Variants in NEDD4L observed in about 807,000 individuals in gnomAD.
NEDD4L encodes the protein NEDD4 like E3 ubiquitin protein ligase, also known as E3 ubiquitin-protein ligase NEDD4-like.
Under a neutral mutation model 148.9 loss-of-function variants are expected in NEDD4L, and 54 were observed. The observed-to-expected ratio is 0.36, with a 90% confidence interval of 0.29 to 0.45. The LOEUF is 0.45. NEDD4L is among the 20% of genes least tolerant of loss of function. The pLI is 1.00. For synonymous variants in NEDD4L, 433 were observed against 440.7 expected (o/e 0.98, Z 0.22); for missense variants, 856 against 1,233.8 (o/e 0.69, Z 4.59).
At chr18:58,099,748 G>A (rs539859347) in intron 1 of NEDD4L, among the ~76,000 whole-genome samples, 1 of 152,310 alleles carries the variant, frequency 6.6e-6, no homozygotes, top group South Asian at 2.1e-4. Flanking sequence ...ACTCTAAGGG[G>A]TGTAAGACGG....
chr18:58,220,142 C>T (rs1316114376), intron 2 of NEDD4L, among the ~76,000 whole-genome samples: 11 of 152,164 alleles, frequency 7.2e-5, no homozygotes, highest in South Asian at 2.1e-4. Flanking sequence ...GGGCTGGGCA[C>T]GATGGCTCAT....
At chr18:58,147,248 C>T (rs1208354900) in intron 1 of NEDD4L, among the ~76,000 whole-genome samples, 1 of 152,196 alleles carries the variant, frequency 6.6e-6, no homozygotes, top group African/African-American at 2.4e-5. Flanking sequence ...GCAGGCGGCA[C>T]TGGTAACTAT....
chr18:58,262,035 A>G lies in NEDD4L; in HGVS notation c.297+9981A>G, dbSNP rs114504861. Among the ~76,000 whole-genome samples, 709 of 152,288 alleles carry G rather than the reference A, an allele frequency of 4.7e-3. 5 individuals carry two copies. Among genetic ancestry groups the G allele is most frequent in the African/African-American group, 0.016 (680 of 41,552 alleles). ...TGGCTGGTGATTATTCGGACAGGTT[A>G]TCATCCTGTCTGCAACCTTCTAGTT... On this transcript the variant is annotated intron_variant, in intron 5 of 30. Coordinates refer to ENST00000400345, the MANE Select transcript of NEDD4L (RefSeq NM_001144967.3).
chr18:58,193,141 C>A (rs1568361337), intron 2 of NEDD4L, among the ~76,000 whole-genome samples: 2 of 152,144 alleles, frequency 1.3e-5, no homozygotes, highest in Admixed American at 1.3e-4. Flanking sequence ...GGAGCTATTT[C>A]TTTGGAATAC....
chr18:58,386,318 TG>T (rs1325535159), intron 26 of NEDD4L, among the ~76,000 whole-genome samples: 1 of 152,206 alleles, frequency 6.6e-6, no homozygotes, highest in Non-Finnish European at 1.5e-5. Context: ...CCCAAAGTGC[TG>T]GGATTACAGG....
At chr18:58,306,953 T>C (rs2057138343) in intron 5 of NEDD4L, among the ~76,000 whole-genome samples, 1 of 152,222 alleles carries the variant, frequency 6.6e-6, no homozygotes, top group African/African-American at 2.4e-5. Context: ...AACCTCCTTA[T>C]AGCAGTGTTT....
At chr18:58,315,697 C>T (rs2058180974) in intron 5 of NEDD4L, among the ~76,000 whole-genome samples, 1 of 152,154 alleles carries the variant, frequency 6.6e-6, no homozygotes, top group South Asian at 2.1e-4. Flanking sequence ...TCAAACCCTG[C>T]CTGTCTCTTC....
At chr18:58,047,455 A>G (rs1307146344) in intron 1 of NEDD4L, 3 of 985,344 alleles carry the variant, frequency 3.0e-6, no homozygotes, top group African/African-American at 1.7e-5. Flanking sequence ...GCCAAAGCAC[A>G]GGGCTTAGGT....
At chr18:58,116,902 T>C (rs2085879580) in intron 1 of NEDD4L, among the ~76,000 whole-genome samples, 1 of 152,260 alleles carries the variant, frequency 6.6e-6, no homozygotes, top group Non-Finnish European at 1.5e-5. Context: ...GCCAGTTCTT[T>C]ACCCAAACTC....
intron 1 of NEDD4L, among the ~76,000 whole-genome samples, chr18:58,143,648 C>G (rs551495831): frequency 6.6e-6 from 1 of 152,186 alleles, no homozygotes; most frequent in South Asian, 2.1e-4. Context: ...GTGCCCGTCC[C>G]GTGTTCTTCG....
chr18:58,335,230 G>C (rs2041567812), intron 12 of NEDD4L, among the ~76,000 whole-genome samples: 1 of 152,186 alleles, frequency 6.6e-6, no homozygotes, highest in African/African-American at 2.4e-5. Flanking sequence ...CTCTAAGGCA[G>C]CTCACTCTTT....
rs113997023 is a variant in NEDD4L at position 58,385,462 on chromosome 18, G to A, written c.2427-64G>A. 1.7e-3 allele frequency: 2,253 copies of A among 1,312,894 alleles called. 21 individuals carry two copies. In the African/African-American group the frequency reaches 0.027, roughly 16 times the overall value. The allele number at this position is 1,312,894 out of a possible 1,614,324, so 81.3% of individuals were successfully genotyped here. ...ATGGAGGAGAAGCACTCCCTGTTGC[G>A]GAGAAAGCAGTGAGCACTAGTGATG... On this transcript the variant is annotated intron_variant, in intron 25 of 30. Transcript: ENST00000400345.
At chr18:58,069,430 G>A (rs751541136) in intron 1 of NEDD4L, among the ~76,000 whole-genome samples, 1 of 152,232 alleles carries the variant, frequency 6.6e-6, no homozygotes, top group Non-Finnish European at 1.5e-5. Flanking sequence ...ATAACTAAAA[G>A]TATTCCAGGT....
At chr18:58,232,932 C>G (rs2045425366) in intron 2 of NEDD4L, among the ~76,000 whole-genome samples, 1 of 152,104 alleles carries the variant, frequency 6.6e-6, no homozygotes, top group South Asian at 2.1e-4. Context: ...GGCAGGGTGG[C>G]ATGAGGAGGG....
intron 2 of NEDD4L, among the ~76,000 whole-genome samples, chr18:58,214,108 T>C (rs536043002): frequency 1.3e-5 from 2 of 152,314 alleles, no homozygotes; most frequent in Admixed American, 1.3e-4. Context: ...CTACATGAAG[T>C]GCAAGGTAGC....
intron 24 of NEDD4L, among the ~76,000 whole-genome samples, chr18:58,377,657 G>C (rs2047740894): frequency 6.6e-6 from 1 of 152,150 alleles, no homozygotes; most frequent in South Asian, 2.1e-4. Flanking sequence ...GCCCCCACCG[G>C]GAGGAGGGGC....
intron 1 of NEDD4L, among the ~76,000 whole-genome samples, chr18:58,071,061 G>A (rs925350060): frequency 4.0e-5 from 6 of 151,856 alleles, no homozygotes; most frequent in African/African-American, 7.3e-5. Context: ...CACACACCTC[G>A]GTTTCTGCCT....
chr18:58,323,804 T>A (rs1264573694), intron 8 of NEDD4L, among the ~76,000 whole-genome samples: 1 of 152,216 alleles, frequency 6.6e-6, no homozygotes, highest in African/African-American at 2.4e-5. Flanking sequence ...TGCAACGAGC[T>A]GACCAGAGGA....
At chr18:58,080,836 C>T (rs2083392948) in intron 1 of NEDD4L, among the ~76,000 whole-genome samples, 2 of 152,138 alleles carry the variant, frequency 1.3e-5, no homozygotes, top group South Asian at 2.1e-4. Context: ...TTCCTCAAAC[C>T]CTACCAGGAA....
Sources: allele counts gnomAD v4.1 joint callset (sites outside exome capture counted in the v4.1 genomes callset), GRCh38; gene constraint gnomAD v4.1.1; transcripts MANE v1.5; gene names NCBI Gene and HGNC (gene_info 2026-07-23, HGNC 2026-07-21).